Variants in PLA2R1 observed in about 807,000 individuals in gnomAD.
The protein encoded by PLA2R1 is secretory phospholipase A2 receptor.
Under a neutral mutation model 195.9 loss-of-function variants are expected in PLA2R1, and 158 were observed. The observed-to-expected ratio is 0.81, with a 90% CI of 0.71 to 0.92. PLA2R1 has a LOEUF of 0.92. PLA2R1 is among the 40% of genes least tolerant of loss of function. The pLI is 0.00. For missense variants in PLA2R1, 1,626 were observed against 1,764.6 expected (o/e 0.92, Z 1.41); for synonymous variants, 586 against 598.2 (o/e 0.98, Z 0.30).
At chr2:159,960,417 T>C (rs1233118421) in intron 20 of PLA2R1, among the ~76,000 whole-genome samples, 1 of 152,174 alleles carries the variant, frequency 6.6e-6, no homozygotes, top group African/African-American at 2.4e-5. Context: ...CACCACTGAA[T>C]TCCCGACATC....
At chr2:159,969,689 C>T (rs528457141) in intron 18 of PLA2R1, among the ~76,000 whole-genome samples, 2 of 152,068 alleles carry the variant, frequency 1.3e-5, no homozygotes, top group Non-Finnish European at 2.9e-5. Context: ...TCTACAGGTG[C>T]GCACCACCAC....
chr2:160,014,234 CTT>C (rs5835787), intron 9 of PLA2R1, among the ~76,000 whole-genome samples: 13,099 of 129,416 alleles, frequency 0.1, 1,031 homozygotes, highest in East Asian at 0.24. Context: ...CTTTTTCTTT[CTT>C]TTTTTTTTTT....
chr2:160,003,471 A>G (rs1269609296), intron 11 of PLA2R1, among the ~76,000 whole-genome samples: 1 of 152,146 alleles, frequency 6.6e-6, no homozygotes, highest in Non-Finnish European at 1.5e-5. Flanking sequence ...GTCCAAAATA[A>G]AAATAGAAAG....
At chr2:160,016,779 C>A in intron 8 of PLA2R1, 67 bp from the exon 9 acceptor site, 2 of 692,380 alleles carry the variant, frequency 2.9e-6, no homozygotes, top group Non-Finnish European at 5.0e-6. Flanking sequence ...AATAGCAATT[C>A]TTATAAAAAA....
At chr2:159,981,442 C>T (rs993038862) in intron 13 of PLA2R1, among the ~76,000 whole-genome samples, 2 of 152,114 alleles carry the variant, frequency 1.3e-5, no homozygotes, top group East Asian at 1.9e-4. Flanking sequence ...GTCACACTGT[C>T]GCCCAGGTTG....
intron 21 of PLA2R1, 65 bp from the exon 22 acceptor site, chr2:159,955,893 C>A: frequency 2.3e-6 from 2 of 860,564 alleles, no homozygotes; most frequent in Non-Finnish European, 3.6e-6. Context: ...TCACTGCATC[C>A]TATTTATAGC....
At chr2:160,044,726 A>C in intron 2 of PLA2R1, 48 bp downstream of exon 2, 1 of 1,522,018 alleles carries the variant, frequency 6.6e-7, no homozygotes, top group Admixed American at 1.8e-5. Flanking sequence ...TTATAGGCAA[A>C]CCTTAAAAAA....
chr2:160,013,697 CTCTCTG>C (rs1278202953), intron 9 of PLA2R1, among the ~76,000 whole-genome samples: 1,967 of 138,086 alleles, frequency 0.014, 8 homozygotes, highest in Middle Eastern at 0.022. Context: ...CTCTCTCTCT[CTCTCTG>C]TCTCTCTCTC....
At position 159,949,689 on chromosome 2, in the gene PLA2R1, C is replaced by A; in HGVS notation, c.3628G>T (p.Val1210Phe). The change falls in exon 25 of 30, where the codon GTT becomes TTT. Residue 1210 changes from valine (V) to phenylalanine (F), a missense_variant. Transcript: ENST00000283243. ...CAGCGTCCGTTGCTGTCGGCAAAAACGCAGTCACCAAGGAGGGAGGACTCC... is the reference window on the plus strand; with the variant it reads ...CAGCGTCCGTTGCTGTCGGCAAAAAAGCAGTCACCAAGGAGGGAGGACTCC... ...DEESSLLGDC[V>F]FADSNGRWHS... 6.2e-7 allele frequency: 1 copy of A among 1,613,944 alleles called. No homozygotes were observed. Among genetic ancestry groups the A allele is most frequent in the Non-Finnish European group, 8.5e-7 (1 of 1,179,834 alleles).
chr2:159,977,125 G>A (rs1039131799), intron 15 of PLA2R1, among the ~76,000 whole-genome samples, 159 bp downstream of exon 15: 13 of 152,108 alleles, frequency 8.5e-5, no homozygotes, highest in African/African-American at 3.1e-4. Context: ...CATTGGTGTC[G>A]CCTTTTCCCA....
chr2:159,975,926 T>C (rs1448501850), intron 17 of PLA2R1, 142 bp downstream of exon 17: 15 of 687,572 alleles, frequency 2.2e-5, no homozygotes, highest in Non-Finnish European at 3.2e-5. Flanking sequence ...CAAAAATCTA[T>C]GGCTTTACTG....
chr2:159,950,670 T>C (rs1687675433), intron 24 of PLA2R1, among the ~76,000 whole-genome samples: 13 of 152,198 alleles, frequency 8.5e-5, no homozygotes, highest in Admixed American at 7.9e-4. Flanking sequence ...AGGATCTCAT[T>C]TGTGCTTGAA....
At chr2:160,019,988 G>A in intron 8 of PLA2R1, 118 bp downstream of exon 8, 1 of 625,822 alleles carries the variant, frequency 1.6e-6, no homozygotes, top group Non-Finnish European at 2.8e-6. Flanking sequence ...AACATGGAAG[G>A]CCCATGAGGA....
intron 20 of PLA2R1, among the ~76,000 whole-genome samples, chr2:159,960,640 T>G (rs1688377918): frequency 6.6e-6 from 1 of 152,190 alleles, no homozygotes; most frequent in Non-Finnish European, 1.5e-5. Flanking sequence ...CACACACACT[T>G]AGAATTTCTT....
intron 19 of PLA2R1, among the ~76,000 whole-genome samples, chr2:159,968,486 T>C (rs1688934156): frequency 6.6e-6 from 1 of 152,192 alleles, no homozygotes; most frequent in African/African-American, 2.4e-5. Flanking sequence ...CTGTAGGCTG[T>C]TGTGACACCT....
At position 159,939,455 on chromosome 2, in the gene PLA2R1, G is replaced by T. The variant is rs934852926; in HGVS notation, c.*2323C>A. On this transcript the variant is annotated 3_prime_UTR_variant, in exon 30 of 30. Coordinates refer to ENST00000283243, the MANE Select transcript of PLA2R1 (RefSeq NM_007366.5). ...AGGCAGTTGAAGGTTGCAGTGAGCTGAGATCATGCCACTGTACTCCTGCCT... is the reference window on the plus strand; with the variant it reads ...AGGCAGTTGAAGGTTGCAGTGAGCTTAGATCATGCCACTGTACTCCTGCCT... The T allele has an allele frequency of 7.0e-6, 1 of 142,764 alleles. No individual in the cohort carries two copies. Among genetic ancestry groups the T allele is most frequent in the African/African-American group, 2.6e-5 (1 of 38,532 alleles). The allele number at this position is 142,764 out of a possible 1,614,324, so 8.8% of individuals were successfully genotyped here.
rs746081413 is a variant in PLA2R1 at position 159,941,797 on chromosome 2, A to T, written c.4373T>A (p.Leu1458His). The T allele has an allele frequency of 5.0e-6, 8 of 1,595,222 alleles. No homozygotes were observed. Among genetic ancestry groups the T allele is most frequent in the Non-Finnish European group, 6.9e-6 (8 of 1,163,182 alleles). ...YLEENILISD[L>H]EKSDQ ...TCATTATTATTGGTCACTCTTCTCA[A>T]GATCAGAAATGAGAATATTTTCTTC... Residue 1458 changes from leucine to histidine, a missense_variant, in exon 30 of 30, where the codon CTT (leucine) becomes CAT (histidine). Physicochemically the swap from Leu to His is moderately conservative, Grantham distance 99. Transcript: ENST00000283243.
rs2125912559 is a variant in PLA2R1 at position 159,940,377 on chromosome 2, C to A, written c.*1401G>T. On this transcript the variant is annotated 3_prime_UTR_variant, in exon 30 of 30. Transcript: ENST00000283243. ...GATAGCCCTTACCCCAAGTTGCTCA[C>A]CTTAGTACCTCTGTTTCTAGAACAG... 6.6e-6 allele frequency: 1 copy of A among 152,304 alleles called. No individual in the cohort carries two copies. Among genetic ancestry groups the A allele is most frequent in the East Asian group, 1.9e-4 (1 of 5,178 alleles). 9.4% of individuals were successfully genotyped at this position (152,304 alleles called of 1,614,324 possible). A position where few individuals can be genotyped will look rare whatever the true frequency, so the allele number is the denominator to read the frequency against.
intron 11 of PLA2R1, among the ~76,000 whole-genome samples, chr2:160,005,057 A>C (rs1034483317): frequency 6.6e-6 from 1 of 152,220 alleles, no homozygotes; most frequent in Non-Finnish European, 1.5e-5. Flanking sequence ...GAAAGACATT[A>C]GGAGGGAGAA....
Sources: gnomAD v4.1 joint callset for allele counts (sites outside exome capture counted in the v4.1 genomes callset) on GRCh38, gnomAD v4.1.1 for gene constraint, MANE v1.5 for transcripts, NCBI Gene and HGNC (gene_info 2026-07-23, HGNC 2026-07-21) for gene names.